The following IGSF21 variants were observed in gnomAD, a reference collection of about 807,000 sequenced individuals.
IGSF21 encodes immunoglobulin superfamily member 21.
In IGSF21, 28 loss-of-function variants were observed where a neutral mutation model predicts 46.8. The ratio of observed to expected loss-of-function variants is 0.60; its 90% CI spans 0.44 to 0.82. The LOEUF is 0.82. Among genes scored for constraint, IGSF21 ranks in the 40% least tolerant of loss-of-function variants. The pLI is 0.00. For missense variants in IGSF21, 624 were observed against 665.5 expected (o/e 0.94, Z 0.69); for synonymous variants, 284 against 273.6 (o/e 1.04, Z -0.38).
chr1:18,132,793 C>T (rs1178934694), intron 1 of IGSF21, among the ~76,000 whole-genome samples: 2 of 151,994 alleles, frequency 1.3e-5, no homozygotes, highest in South Asian at 2.1e-4. Flanking sequence ...CCCATGATGC[C>T]CTTAAAAGGT....
intron 1 of IGSF21, among the ~76,000 whole-genome samples, chr1:18,219,747 G>T (rs2084488523): frequency 6.6e-6 from 1 of 152,148 alleles, no homozygotes; most frequent in Non-Finnish European, 1.5e-5. Context: ...ACCAAGAGGT[G>T]CATCAGGCAG....
At chr1:18,273,331 ATTCCTTTCCT>A (rs1553159552) in intron 2 of IGSF21, among the ~76,000 whole-genome samples, 1,743 of 53,832 alleles carry the variant, frequency 0.032, 72 homozygotes, top group Middle Eastern at 0.11. Context: ...ATGAGCCACC[ATTCCTTTCCT>A]TTCCTTTCCT....
chr1:18,241,130 A>G (rs2084723266), intron 2 of IGSF21, among the ~76,000 whole-genome samples: 1 of 152,156 alleles, frequency 6.6e-6, no homozygotes, highest in Non-Finnish European at 1.5e-5. Context: ...GGGAGTTGAG[A>G]GGAGGGGGAG....
At position 18,365,647 on chromosome 1, in the gene IGSF21, A is replaced by G; in HGVS notation, c.965A>G (p.Glu322Gly). Residue 322 changes from glutamate to glycine, a missense_variant, in exon 6 of 10, where the codon GAG becomes GGG. Glu to Gly is a moderately conservative substitution (Grantham distance 98). Transcript: ENST00000251296. The surrounding 1 kb of genome is among the most constrained non-coding windows in gnomAD (Gnocchi z 4.8). Reference protein sequence around the residue: ...QIDNEALFSCEVKHPALSMPM... With the variant: ...QIDNEALFSCGVKHPALSMPM... ...GACAACGAGGCCCTCTTCAGCTGCG[A>G]GGTCAAGCACCCAGCTCTGTCGATG... The G allele has an allele frequency of 6.2e-7, 1 of 1,614,180 alleles. No homozygotes were observed. Among genetic ancestry groups the G allele is most frequent in the South Asian group, 1.1e-5 (1 of 91,080 alleles).
intron 3 of IGSF21, among the ~76,000 whole-genome samples, chr1:18,293,438 C>T (rs899665126): frequency 5.3e-5 from 8 of 152,114 alleles, no homozygotes; most frequent in Non-Finnish European, 8.8e-5. Flanking sequence ...CCAGGCGGCC[C>T]GGCTGGGTCC....
At chr1:18,233,818 C>T (rs764193752) in intron 2 of IGSF21, among the ~76,000 whole-genome samples, 10 of 152,050 alleles carry the variant, frequency 6.6e-5, no homozygotes, top group Non-Finnish European at 1.3e-4. Context: ...GGTTTCAATT[C>T]TTGGAAACCC....
chr1:18,320,893 G>A (rs982057216), intron 3 of IGSF21, among the ~76,000 whole-genome samples: 2 of 152,206 alleles, frequency 1.3e-5, no homozygotes, highest in East Asian at 1.9e-4. Flanking sequence ...GTTGACTGCT[G>A]TGTCCATCTC....
chr1:18,272,480 G>A (rs917863264), intron 2 of IGSF21, among the ~76,000 whole-genome samples: 1 of 152,232 alleles, frequency 6.6e-6, no homozygotes, highest in Non-Finnish European at 1.5e-5. Flanking sequence ...CAGTGAGCAA[G>A]TGCACACAGG....
chr1:18,108,560 G>T (rs1297507083), intron 1 of IGSF21, among the ~76,000 whole-genome samples: 1 of 151,804 alleles, frequency 6.6e-6, no homozygotes, highest in Non-Finnish European at 1.5e-5. Context: ...CGAGGGTCTG[G>T]ATGGGTGTTA....
chr1:18,273,940 A>G (rs12402444), intron 2 of IGSF21, among the ~76,000 whole-genome samples: 33,794 of 151,980 alleles, frequency 0.22, 3,975 homozygotes, highest in African/African-American at 0.29. Context: ...TGGGAGTTTG[A>G]ATCCCAGCTT....
intron 1 of IGSF21, among the ~76,000 whole-genome samples, chr1:18,218,043 G>GT (rs1204868206): frequency 1.3e-5 from 2 of 152,212 alleles, no homozygotes; most frequent in Admixed American, 1.3e-4. Context: ...GGATATAGTA[G>GT]TGTTAGTCCA....
In IGSF21 at chr1:18,108,164, C is replaced by T; in HGVS notation, c.36C>T (p.Cys12=). ...RTAPSLRRCV[C]LLLAAILDLA... ...CCCCGAGCCTCCGCCGCTGCGTCTG[C>T]CTGCTGCTCGCCGCGATCCTGGACC... The change falls in exon 1 of 10, where the codon TGC becomes TGT. Residue 12 remains cysteine, a synonymous_variant. Transcript: ENST00000251296. The T allele has an allele frequency of 6.9e-7, 1 of 1,447,648 alleles. No individual in the cohort carries two copies. 89.7% of individuals were successfully genotyped at this position (1,447,648 alleles called of 1,614,324 possible).
Position 18,377,003 on chromosome 1 carries a change from C to G in IGSF21, c.1294+11C>G, listed in dbSNP as rs771409936. On this transcript the variant is annotated intron_variant, in intron 8 of 9. Coordinates refer to ENST00000251296, the MANE Select transcript of IGSF21 (RefSeq NM_032880.5). ...GGCTCATCGTGTTTGGTATGGCGCGCTCAACTGGGGACTGGGAGAACAACC... is the reference window on the plus strand; with the variant it reads ...GGCTCATCGTGTTTGGTATGGCGCGGTCAACTGGGGACTGGGAGAACAACC... 1.3e-6 allele frequency: 2 copies of G among 1,581,440 alleles called. No homozygotes were observed. The highest frequency in any genetic ancestry group is 8.6e-7 in the Non-Finnish European group (1 of 1,157,458).
intron 1 of IGSF21, among the ~76,000 whole-genome samples, chr1:18,128,741 A>G (rs1305801843): frequency 6.6e-6 from 1 of 151,942 alleles, no homozygotes; most frequent in African/African-American, 2.4e-5. Flanking sequence ...AGGAGCTGGG[A>G]TTTGACTCCA....
intron 6 of IGSF21, among the ~76,000 whole-genome samples, chr1:18,368,635 C>T (rs1407319209): frequency 1.3e-5 from 2 of 152,174 alleles, no homozygotes; most frequent in African/African-American, 2.4e-5. Flanking sequence ...GGTCCTCCTG[C>T]TTTTCCAGCC....
chr1:18,230,067 G>A (rs2084607670), intron 2 of IGSF21, among the ~76,000 whole-genome samples: 1 of 152,224 alleles, frequency 6.6e-6, no homozygotes. Context: ...GTTTGAAATC[G>A]AATGTTACCA....
chr1:18,238,812 A>G (rs1461722668), intron 2 of IGSF21, among the ~76,000 whole-genome samples: 1 of 152,220 alleles, frequency 6.6e-6, no homozygotes, highest in African/African-American at 2.4e-5. Context: ...GGCCTGGGAC[A>G]CACCATCCTG....
chr1:18,203,261 A>G (rs929293024), intron 1 of IGSF21, among the ~76,000 whole-genome samples: 4 of 152,198 alleles, frequency 2.6e-5, no homozygotes, highest in African/African-American at 4.8e-5. Flanking sequence ...GTCTAGGGAC[A>G]TGACTGGCTC....
At chr1:18,215,818 A>G (rs1054177929) in intron 1 of IGSF21, among the ~76,000 whole-genome samples, 2 of 152,204 alleles carry the variant, frequency 1.3e-5, no homozygotes, top group Non-Finnish European at 2.9e-5. Flanking sequence ...GATGCAGGCC[A>G]GGACATGAGC....
Sources: gnomAD v4.1 joint callset for allele counts (sites outside exome capture counted in the v4.1 genomes callset) on GRCh38, gnomAD v4.1.1 for gene constraint, Gnocchi (gnomAD v3.1) non-coding constraint, MANE v1.5 for transcripts, NCBI Gene and HGNC (gene_info 2026-07-23, HGNC 2026-07-21) for gene names.